INSL6: variants seen among roughly 807,000 people sequenced by gnomAD.
The protein encoded by INSL6 is insulin like 6, also known as insulin-like peptide INSL6.
INSL6 carries 16 observed loss-of-function variants against 9.4 expected under a neutral mutation model. The ratio of observed to expected loss-of-function variants is 1.70; its 90% confidence interval spans 1.15 to 2.59. The LOEUF is 2.59. Among genes scored for constraint, INSL6 ranks in the 30% most tolerant of loss-of-function variants. INSL6 has a pLI of 0.00. For synonymous variants in INSL6, 154 were observed against 96.9 expected, an observed-to-expected ratio of 1.59 and a Z score of -3.46; for missense variants, 391 against 257.3, an observed-to-expected ratio of 1.52 and a Z score of -3.56.
chr9:5,111,060 TGA>T, the INSL6 span: 1 of 1,139,986 alleles, frequency 8.8e-7, no homozygotes, highest in Non-Finnish European at 1.3e-6. Flanking sequence ...GTTCAGGTCT[TGA>T]GAACTGGCCC....
the INSL6 span, among the ~76,000 whole-genome samples, chr9:5,089,379 ATACAAAAAATTAGC>A: frequency 6.6e-6 from 1 of 152,002 alleles, no homozygotes; most frequent in South Asian, 2.1e-4. Context: ...TCTACTAAAT[ATACAAAAAATTAGC>A]TGGGCGTATT....
the INSL6 span, chr9:5,114,527 G>A: frequency 7.1e-5 from 33 of 466,318 alleles, no homozygotes; most frequent in South Asian, 1.2e-4. Context: ...TAGAAGAGCC[G>A]AGGAACCAGG....
the INSL6 span, chr9:5,055,909 C>A: frequency 3.5e-5 from 29 of 823,876 alleles, no homozygotes; most frequent in South Asian, 5.2e-4. Context: ...TTAAATATAA[C>A]TCTAAACATC....
intron 1 of INSL6, among the ~76,000 whole-genome samples, chr9:5,173,207 G>A (rs772713077): frequency 6.6e-6 from 1 of 152,128 alleles, no homozygotes; most frequent in Admixed American, 6.5e-5. Context: ...AAGACAGTGT[G>A]GTGATTCCTC....
chr9:5,079,323 T>C, the INSL6 span, among the ~76,000 whole-genome samples: 1 of 152,336 alleles, frequency 6.6e-6, no homozygotes, highest in Non-Finnish European at 1.5e-5. Flanking sequence ...AAAGTAGGGT[T>C]ATATTGCTTC....
At chr9:5,103,147 C>G in the INSL6 span, among the ~76,000 whole-genome samples, 1 of 135,008 alleles carries the variant, frequency 7.4e-6, no homozygotes, top group African/African-American at 2.8e-5. Flanking sequence ...ATTCAGGAGA[C>G]CAATCTCATG....
At chr9:5,148,191 G>C (rs1336525244) in intron 2 of INSL6, among the ~76,000 whole-genome samples, 1 of 152,188 alleles carries the variant, frequency 6.6e-6, no homozygotes, top group African/African-American at 2.4e-5. Context: ...GGTATAAACT[G>C]AGTATAGTCC....
At chr9:5,029,924 G>T in the INSL6 span, 1 of 1,568,764 alleles carries the variant, frequency 6.4e-7, no homozygotes, top group Non-Finnish European at 8.6e-7. Flanking sequence ...CTTCAGTAAA[G>T]TAACTCACTT....
intron 3 of INSL6, among the ~76,000 whole-genome samples, chr9:5,130,104 T>A (rs765072461): frequency 6.6e-6 from 1 of 152,124 alleles, no homozygotes; most frequent in Non-Finnish European, 1.5e-5. Flanking sequence ...AAGTTGTTAA[T>A]GATCATTATC....
the INSL6 span, among the ~76,000 whole-genome samples, chr9:5,058,756 A>G: frequency 6.6e-6 from 1 of 152,270 alleles, no homozygotes; most frequent in East Asian, 1.9e-4. Flanking sequence ...GTAGTATCTC[A>G]TTGTGATTTT....
chr9:5,102,186 A>G, the INSL6 span, among the ~76,000 whole-genome samples: 1 of 152,216 alleles, frequency 6.6e-6, no homozygotes, highest in Non-Finnish European at 1.5e-5. Context: ...CAGTGTAGAG[A>G]AGACCTTAAA....
chr9:5,107,935 A>T, the INSL6 span: 2 of 152,278 alleles, frequency 1.3e-5, no homozygotes, highest in African/African-American at 4.8e-5. Context: ...AGTGCTAAAA[A>T]TTATTCCGAC....
chr9:5,079,861 G>C, the INSL6 span, among the ~76,000 whole-genome samples: 3 of 152,062 alleles, frequency 2.0e-5, no homozygotes, highest in East Asian at 5.8e-4. Flanking sequence ...CTAATGGAAA[G>C]AGGTTGAGAA....
intron 3 of INSL6, among the ~76,000 whole-genome samples, chr9:5,125,075 C>A (rs1823885548): frequency 6.6e-6 from 1 of 150,760 alleles, no homozygotes; most frequent in Non-Finnish European, 1.5e-5. Flanking sequence ...TTCTCTTGGT[C>A]ATCATAGAAT....
chr9:5,100,967 C>T, the INSL6 span: 8 of 152,422 alleles, frequency 5.2e-5, no homozygotes, highest in Admixed American at 1.3e-4. Context: ...GCATGATCGA[C>T]GCAGAAGATG....
At chr9:5,015,650 A>G in the INSL6 span, among the ~76,000 whole-genome samples, 1 of 151,314 alleles carries the variant, frequency 6.6e-6, no homozygotes, top group East Asian at 1.9e-4. Flanking sequence ...AAGTGATCCT[A>G]TTGTTTTCTT....
At chr9:5,062,078 C>T in the INSL6 span, among the ~76,000 whole-genome samples, 587 of 152,232 alleles carry the variant, frequency 3.9e-3, 3 homozygotes, top group African/African-American at 0.014. Flanking sequence ...AAAACAATTA[C>T]AGTTGACCCT....
intron 1 of INSL6, among the ~76,000 whole-genome samples, chr9:5,168,878 C>G (rs1031202688): frequency 6.6e-6 from 1 of 151,696 alleles, no homozygotes; most frequent in African/African-American, 2.4e-5. Context: ...GCAGGCCTCT[C>G]AGTGGAAACC....
At chr9:5,058,243 C>T in the INSL6 span, among the ~76,000 whole-genome samples, 2 of 152,106 alleles carry the variant, frequency 1.3e-5, no homozygotes, top group African/African-American at 4.8e-5. Context: ...AAAGATACTA[C>T]CTGGGACTGG....
Sources: allele counts gnomAD v4.1 joint callset (sites outside exome capture counted in the v4.1 genomes callset), GRCh38; gene constraint gnomAD v4.1.1; transcripts MANE v1.5; gene names NCBI Gene and HGNC (gene_info 2026-07-23, HGNC 2026-07-21).